SLC25A15: variants seen among roughly 807,000 people sequenced by gnomAD.
SLC25A15 encodes solute carrier family 25 member 15, also known as mitochondrial ornithine transporter 1.
SLC25A15 carries 24 observed loss-of-function variants against 32.3 expected under a neutral mutation model. The observed-to-expected ratio is 0.74, with a 90% CI of 0.54 to 1.04. The LOEUF (loss-of-function observed/expected upper bound fraction) is 1.04, where lower values mean the gene tolerates loss of function less well. SLC25A15 is among the 50% of genes least tolerant of loss of function. The pLI is 0.00. For missense variants in SLC25A15, 317 were observed against 374.5 expected, an observed-to-expected ratio of 0.85 and a Z score of 1.27; for synonymous variants, 132 against 142.1, an observed-to-expected ratio of 0.93 and a Z score of 0.51.
intron 2 of SLC25A15, among the ~76,000 whole-genome samples, chr13:40,794,423 C>T (rs2138040704): frequency 6.6e-6 from 1 of 152,004 alleles, no homozygotes; most frequent in Middle Eastern, 3.4e-3. Flanking sequence ...GTAGGATTTG[C>T]TGGGAATGTC....
At chr13:40,795,015 A>T (rs1433233783) in intron 2 of SLC25A15, among the ~76,000 whole-genome samples, 2 of 152,162 alleles carry the variant, frequency 1.3e-5, no homozygotes, top group African/African-American at 4.8e-5. Context: ...GGCAGAACCC[A>T]CAAGGAGCGT....
At chr13:40,793,020 C>G in intron 1 of SLC25A15, 138 bp from the exon 2 acceptor site, 1 of 621,942 alleles carries the variant, frequency 1.6e-6, no homozygotes, top group Non-Finnish European at 2.9e-6. Context: ...TGCACTGATA[C>G]CTTGAGCCCC....
In SLC25A15 at chr13:40,808,473, G is replaced by A. The variant is rs202247805; in HGVS notation, c.658G>A (p.Gly220Arg). 1 of 1,613,468 alleles carries A rather than the reference G, an allele frequency of 6.2e-7. No individual in the cohort carries two copies. The highest frequency in any genetic ancestry group is 1.1e-5 in the South Asian group (1 of 91,080). ...TTTGATGTTAAGTGGTGGAGTTGGT[G>A]GGATTTGCCTCTGGCTTGCGGTATA... ...VPLMLSGGVGGICLWLAVYPV... is the reference protein window; with the variant it reads ...VPLMLSGGVGRICLWLAVYPV... Residue 220 changes from glycine (G) to arginine (R), a missense_variant, in exon 6 of 7, where the codon GGG (glycine) becomes AGG (arginine). Coordinates refer to ENST00000338625, the MANE Select transcript of SLC25A15 (RefSeq NM_014252.4).
chr13:40,801,413 A>G lies in SLC25A15; in HGVS notation c.314+2098A>G, dbSNP rs145976502. Among the ~76,000 whole-genome samples, 435 of 151,854 alleles carry G rather than the reference A, an allele frequency of 2.9e-3. 2 individuals are homozygous for G. The highest frequency in any genetic ancestry group is 6.8e-3 in the Admixed American group (103 of 15,256). ...GCTCTGACATGTATATCATGTCTCT[A>G]TAGCCCTCACCGTGATCCTGTGAGA... On this transcript the variant is annotated intron_variant, in intron 3 of 6. Transcript: ENST00000338625.
At chr13:40,798,649 T>C in intron 2 of SLC25A15, 4 of 451,244 alleles carry the variant, frequency 8.9e-6, no homozygotes, top group Non-Finnish European at 1.2e-5. Context: ...GCCAAGCCTG[T>C]CTCCTCCATT....
chr13:40,811,468 G>A lies in SLC25A15; in HGVS notation c.*1801G>A, dbSNP rs536912632. ...TGTGCCACTGCACTCCAGACTGGGT[G>A]ACACAGCGAGACTTCATCTCAAAAA... On this transcript the variant is annotated 3_prime_UTR_variant, in exon 7 of 7. Transcript: ENST00000338625. 2.0e-5 allele frequency among the ~76,000 whole-genome samples: 3 copies of A among 151,890 alleles called. No individual in the cohort carries two copies. In the South Asian group the frequency reaches 6.3e-4, roughly 32 times the overall value.
chr13:40,796,757 C>A (rs1881681355), intron 2 of SLC25A15, among the ~76,000 whole-genome samples: 1 of 152,118 alleles, frequency 6.6e-6, no homozygotes, highest in Non-Finnish European at 1.5e-5. Flanking sequence ...TTCTTCAGAG[C>A]TGTCCCTTCC....
rs769371469 is a variant in SLC25A15 at position 40,807,319 on chromosome 13, A to G, written c.478A>G (p.Ile160Val). Residue 160 changes from isoleucine to valine, a missense_variant, in exon 5 of 7, where the codon ATT becomes GTT. Physicochemically the swap from Ile to Val is conservative, Grantham distance 29 (BLOSUM62 3). Coordinates refer to ENST00000338625, the MANE Select transcript of SLC25A15 (RefSeq NM_014252.4). ...TACAGTGTGGTCTGTCATCAAAAGT[A>G]TTCTTAGGAAAGATGGCCCCTTGGG... ...QNTVWSVIKS[I>V]LRKDGPLGFY... 5.0e-6 allele frequency: 8 copies of G among 1,613,970 alleles called. No homozygotes were observed. Among genetic ancestry groups the G allele is most frequent in the Middle Eastern group, 1.6e-4 (1 of 6,084 alleles).
intron 2 of SLC25A15, among the ~76,000 whole-genome samples, chr13:40,797,834 A>G (rs771086270): frequency 1.3e-5 from 2 of 152,182 alleles, no homozygotes; most frequent in Admixed American, 6.5e-5. Flanking sequence ...CTTCTTTTGC[A>G]TTTTGATGAA....
At chr13:40,792,439 A>G (rs1236325004) in intron 1 of SLC25A15, among the ~76,000 whole-genome samples, 2 of 152,212 alleles carry the variant, frequency 1.3e-5, no homozygotes, top group Non-Finnish European at 2.9e-5. Context: ...ACTCCTGCAC[A>G]CGTTTACATT....
intron 2 of SLC25A15, among the ~76,000 whole-genome samples, chr13:40,795,202 C>T (rs58837476): frequency 2.6e-5 from 4 of 152,284 alleles, no homozygotes; most frequent in Admixed American, 1.3e-4. Context: ...TGCCCCAGGC[C>T]GCCTCTCACC....
chr13:40,808,597 G>A lies in SLC25A15; in HGVS notation c.781+1G>A, dbSNP rs1882296805. On this transcript the variant is annotated splice_donor_variant, in intron 6 of 6. Coordinates refer to ENST00000338625, the MANE Select transcript of SLC25A15 (RefSeq NM_014252.4). LOFTEE classifies it high-confidence loss of function. ...TTTATAAATGTTGTGAAAAATGAAG[G>A]TGAGTAAATACCTGTTTTTCAAGCA... The A allele has an allele frequency of 6.2e-7, 1 of 1,600,600 alleles. No individual in the cohort carries two copies. The highest frequency in any genetic ancestry group is 8.5e-7 in the Non-Finnish European group (1 of 1,178,952).
intron 1 of SLC25A15, among the ~76,000 whole-genome samples, chr13:40,791,366 T>A (rs1186440056): frequency 6.8e-6 from 1 of 147,814 alleles, no homozygotes; most frequent in Non-Finnish European, 1.5e-5. Flanking sequence ...TTATTATTAT[T>A]TTTTTTTTTG....
At chr13:40,797,054 A>C (rs1311173315) in intron 2 of SLC25A15, among the ~76,000 whole-genome samples, 23 of 152,144 alleles carry the variant, frequency 1.5e-4, no homozygotes, top group Admixed American at 1.5e-3. Flanking sequence ...TTGAGAACCT[A>C]CTAGGTGTCA....
rs140052046 is a variant in SLC25A15 at position 40,791,086 on chromosome 13, T to C, written c.-70+1423T>C. On this transcript the variant is annotated intron_variant, in intron 1 of 6. Coordinates refer to ENST00000338625, the MANE Select transcript of SLC25A15 (RefSeq NM_014252.4). ...TCTGTCTGCTCAGTTGCCCCCGTTT[T>C]TTTCTTTCCCAAAAATATAGGGTTG... Among the ~76,000 whole-genome samples, 211 of 151,972 alleles carry C rather than the reference T, an allele frequency of 1.4e-3. 1 individual carries two copies. The highest frequency in any genetic ancestry group is 5.0e-3 in the African/African-American group (208 of 41,436).
intron 3 of SLC25A15, 23 bp from the exon 4 acceptor site, chr13:40,805,095 A>G: frequency 6.2e-7 from 1 of 1,613,820 alleles, no homozygotes; most frequent in Non-Finnish European, 8.5e-7. Flanking sequence ...CTGAGGGGTA[A>G]CTGTCTGCTT....
chr13:40,791,097 A>T (rs12584864), intron 1 of SLC25A15, among the ~76,000 whole-genome samples: 5,482 of 151,714 alleles, frequency 0.036, 244 homozygotes, highest in East Asian at 0.16. Context: ...TTTCTTTCCC[A>T]AAAATATAGG....
At chr13:40,806,443 G>C (rs1319015451) in intron 4 of SLC25A15, among the ~76,000 whole-genome samples, 1 of 152,214 alleles carries the variant, frequency 6.6e-6, no homozygotes, top group Non-Finnish European at 1.5e-5. Flanking sequence ...TTCACACAAG[G>C]CATGGTATGG....
At position 40,811,713 on chromosome 13, in the gene SLC25A15, C is replaced by T. The variant is rs1284247850; in HGVS notation, c.*2046C>T. On this transcript the variant is annotated 3_prime_UTR_variant, in exon 7 of 7. Coordinates refer to ENST00000338625, the MANE Select transcript of SLC25A15 (RefSeq NM_014252.4). ...TGCTGCTCCAACACCAGCAGGGTAT[C>T]TCCCAATAAAGTGTTCCTAAGCAGC... Among the ~76,000 whole-genome samples, 3 of 152,198 alleles carry T rather than the reference C, an allele frequency of 2.0e-5. No individual in the cohort carries two copies. The highest frequency in any genetic ancestry group is 2.9e-5 in the Non-Finnish European group (2 of 68,036).
Sources: gnomAD v4.1 joint callset for allele counts (sites outside exome capture counted in the v4.1 genomes callset) on GRCh38, gnomAD v4.1.1 for gene constraint, MANE v1.5 for transcripts, NCBI Gene and HGNC (gene_info 2026-07-23, HGNC 2026-07-21) for gene names.